Variants in RIT2 observed in about 807,000 individuals in gnomAD.
RIT2 encodes Ras like without CAAX 2, also known as GTP-binding protein Rit2.
RIT2 carries 24 observed loss-of-function variants against 23.7 expected under a neutral mutation model. The observed-to-expected ratio is 1.01, with a 90% CI of 0.73 to 1.43. The LOEUF (loss-of-function observed/expected upper bound fraction) is 1.43. Among genes scored for constraint, RIT2 ranks in the 40% most tolerant of loss-of-function variants. The pLI, the probability that RIT2 is intolerant of heterozygous loss-of-function variation, is 0.00. For synonymous variants in RIT2, 107 were observed against 91.1 expected (o/e 1.17, Z -0.99); for missense variants, 236 against 266.9 (o/e 0.88, Z 0.81).
chr18:42,744,671 TG>T (rs1445079420), intron 4 of RIT2, among the ~76,000 whole-genome samples: 4 of 152,182 alleles, frequency 2.6e-5, no homozygotes, highest in African/African-American at 9.7e-5. Context: ...AGGCACATGC[TG>T]GGCACATGTT....
rs375432496 is a variant in RIT2 at position 42,965,646 on chromosome 18, G to A, written c.234+8428C>T. ...GAAAAAACTTTTTGTGCAAAATATC[G>A]TAAAGGATATAAAGAAATATAAAAA... On this transcript the variant is annotated intron_variant, in intron 3 of 4. Coordinates refer to ENST00000326695, the MANE Select transcript of RIT2 (RefSeq NM_002930.4). Among the ~76,000 whole-genome samples the A allele has an allele frequency of 4.8e-4, 67 of 140,280 alleles. No homozygotes were observed. In the East Asian group the frequency reaches 7.5e-3, roughly 16 times the overall value. 92.0% of individuals were successfully genotyped at this position (140,280 alleles called of 152,430 possible). A position where few individuals can be genotyped will look rare whatever the true frequency, so the allele number is the denominator to read the frequency against.
At chr18:43,022,704 GT>G (rs1175196398) in intron 2 of RIT2, among the ~76,000 whole-genome samples, 1 of 151,884 alleles carries the variant, frequency 6.6e-6, no homozygotes, top group Non-Finnish European at 1.5e-5. Flanking sequence ...CAGGAAAGTT[GT>G]TTTTTTCATT....
intron 1 of RIT2, among the ~76,000 whole-genome samples, chr18:43,082,365 C>T (rs1913177203): frequency 6.6e-6 from 1 of 152,024 alleles, no homozygotes; most frequent in Admixed American, 6.6e-5. Flanking sequence ...GGACTCCTCC[C>T]TAAGTCATTA....
intron 4 of RIT2, among the ~76,000 whole-genome samples, chr18:42,887,065 A>G (rs996743450): frequency 1.3e-5 from 2 of 152,198 alleles, no homozygotes; most frequent in African/African-American, 4.8e-5. Context: ...TATTTGTTTA[A>G]GAACAATTAT....
At position 43,001,695 on chromosome 18, in the gene RIT2, A is replaced by G. The variant is rs936656155; in HGVS notation, c.161-27548T>C. Among the ~76,000 whole-genome samples the G allele has an allele frequency of 2.0e-5, 3 of 152,164 alleles. No individual in the cohort carries two copies. In the East Asian group the frequency reaches 5.8e-4, roughly 30 times the overall value. ...TTGGGATTTTATCTGGAGACTTGAAAGTTTAATTTCACTTCTTTTAAACAT... is the reference window on the plus strand; with the variant it reads ...TTGGGATTTTATCTGGAGACTTGAAGGTTTAATTTCACTTCTTTTAAACAT... On this transcript the variant is annotated intron_variant, in intron 2 of 4. Transcript: ENST00000326695.
At chr18:43,070,961 T>A (rs1337368847) in intron 1 of RIT2, among the ~76,000 whole-genome samples, 1 of 152,230 alleles carries the variant, frequency 6.6e-6, no homozygotes, top group African/African-American at 2.4e-5. Flanking sequence ...AACCTTTTCT[T>A]GTTGCACTTG....
At chr18:42,861,812 T>G (rs1313576937) in intron 4 of RIT2, among the ~76,000 whole-genome samples, 1 of 152,190 alleles carries the variant, frequency 6.6e-6, no homozygotes, top group African/African-American at 2.4e-5. Context: ...CTTCTCCCTT[T>G]CAGTAGGCTT....
chr18:42,845,170 C>G (rs1404476447), intron 4 of RIT2, among the ~76,000 whole-genome samples: 2 of 151,364 alleles, frequency 1.3e-5, no homozygotes, highest in African/African-American at 2.4e-5. Flanking sequence ...TTGAAGACAA[C>G]TGGAAAAAAT....
chr18:42,969,692 G>A (rs1255753426), intron 3 of RIT2, among the ~76,000 whole-genome samples: 1 of 151,552 alleles, frequency 6.6e-6, no homozygotes, highest in Non-Finnish European at 1.5e-5. Flanking sequence ...AAAAATTGAA[G>A]GTATTTGCAG....
chr18:42,979,427 A>G (rs1011120502), intron 2 of RIT2, among the ~76,000 whole-genome samples: 9 of 152,278 alleles, frequency 5.9e-5, no homozygotes, highest in African/African-American at 1.9e-4. Context: ...TCATATTACA[A>G]TGAAGCTATT....
In RIT2 at chr18:42,857,935, C is replaced by G. The variant is rs139066627; in HGVS notation, c.426+65637G>C. Among the ~76,000 whole-genome samples, 557 of 152,264 alleles carry G rather than the reference C, an allele frequency of 3.7e-3. 4 individuals are homozygous for G. The highest frequency in any genetic ancestry group is 0.013 in the African/African-American group (540 of 41,540). On this transcript the variant is annotated intron_variant, in intron 4 of 4. Coordinates refer to ENST00000326695, the MANE Select transcript of RIT2 (RefSeq NM_002930.4). ...GTGGCTCATGCCTGTAATCCCAGCA[C>G]TTTGGGAGGCCAAGGCGGGTGCATC... is the stretch of plus-strand genomic sequence containing the variant.
At chr18:43,042,780 C>A (rs1047998483) in intron 1 of RIT2, among the ~76,000 whole-genome samples, 1 of 152,046 alleles carries the variant, frequency 6.6e-6, no homozygotes, top group Non-Finnish European at 1.5e-5. Flanking sequence ...AGGAGGACAG[C>A]CAGTGAAATT....
intron 2 of RIT2, 33 bp from the exon 3 acceptor site, chr18:42,974,180 T>C: frequency 6.8e-7 from 1 of 1,460,318 alleles, no homozygotes; most frequent in Non-Finnish European, 9.6e-7. Flanking sequence ...TACATTTAAA[T>C]GTGACAGGAA....
chr18:42,871,055 A>G (rs1907610688), intron 4 of RIT2, among the ~76,000 whole-genome samples: 1 of 152,168 alleles, frequency 6.6e-6, no homozygotes, highest in Non-Finnish European at 1.5e-5. Flanking sequence ...GTGATGACCT[A>G]CATCGTGCAC....
chr18:42,821,726 AG>A (rs1568004947), intron 4 of RIT2, among the ~76,000 whole-genome samples: 1 of 152,168 alleles, frequency 6.6e-6, no homozygotes, highest in African/African-American at 2.4e-5. Flanking sequence ...CAATGCAGGC[AG>A]TCAGGGAAGG....
chr18:43,089,330 C>T (rs1425519693), intron 1 of RIT2, among the ~76,000 whole-genome samples: 1 of 151,720 alleles, frequency 6.6e-6, no homozygotes, highest in Non-Finnish European at 1.5e-5. Context: ...TCACAATTGC[C>T]ATAAAAAAGA....
At chr18:42,851,738 T>C (rs139616707) in intron 4 of RIT2, among the ~76,000 whole-genome samples, 370 of 152,204 alleles carry the variant, frequency 2.4e-3, no homozygotes, top group African/African-American at 8.5e-3. Context: ...TAGTCCCAGC[T>C]ACTCCAGAGG....
intron 4 of RIT2, among the ~76,000 whole-genome samples, chr18:42,912,524 A>G (rs756634863): frequency 1.3e-5 from 2 of 151,946 alleles, no homozygotes; most frequent in Non-Finnish European, 2.9e-5. Flanking sequence ...AGAACACCCC[A>G]AGCAATATAC....
At chr18:42,952,894 AT>A (rs1485618484) in intron 3 of RIT2, among the ~76,000 whole-genome samples, 3 of 150,490 alleles carry the variant, frequency 2.0e-5, no homozygotes, top group Non-Finnish European at 4.4e-5. Flanking sequence ...ATTATCCTGC[AT>A]TTTTTGCTTA....
Sources: gnomAD v4.1 joint callset for allele counts (sites outside exome capture counted in the v4.1 genomes callset) on GRCh38, gnomAD v4.1.1 for gene constraint, MANE v1.5 for transcripts, NCBI Gene and HGNC (gene_info 2026-07-23, HGNC 2026-07-21) for gene names.